CHLSN: variants seen among roughly 807,000 people sequenced by gnomAD.
CHLSN encodes cholesin.
the CHLSN span, among the ~76,000 whole-genome samples, chr7:1,083,238 C>G: frequency 6.6e-6 from 1 of 152,262 alleles, no homozygotes; most frequent in African/African-American, 2.4e-5. Flanking sequence ...AGCAGCCGCA[C>G]GCGCCTTCAG....
the CHLSN span, among the ~76,000 whole-genome samples, chr7:1,125,989 A>C: frequency 1.3e-5 from 2 of 152,224 alleles, no homozygotes; most frequent in Non-Finnish European, 2.9e-5. Flanking sequence ...AAAATTTTTT[A>C]TATTTTCAAA....
the CHLSN span, among the ~76,000 whole-genome samples, chr7:1,064,991 C>T: frequency 6.6e-6 from 1 of 152,250 alleles, no homozygotes; most frequent in Non-Finnish European, 1.5e-5. Flanking sequence ...CAGCGTTCCC[C>T]GCTGTCCAAC....
At chr7:1,008,741 T>C in the CHLSN span, among the ~76,000 whole-genome samples, 1 of 151,868 alleles carries the variant, frequency 6.6e-6, no homozygotes, top group Admixed American at 6.6e-5. Flanking sequence ...AACACACATG[T>C]CCACACATAA....
At chr7:1,064,812 G>T in the CHLSN span, among the ~76,000 whole-genome samples, 2 of 152,164 alleles carry the variant, frequency 1.3e-5, no homozygotes, top group African/African-American at 4.8e-5. Flanking sequence ...AGCAGCCCCT[G>T]CTGCCAGGCT....
chr7:1,062,068 C>T, the CHLSN span, among the ~76,000 whole-genome samples: 2 of 152,224 alleles, frequency 1.3e-5, no homozygotes, highest in African/African-American at 2.4e-5. Flanking sequence ...CGCGTGACGT[C>T]CCAGGGTCAA....
At chr7:980,541 A>T in the CHLSN span, among the ~76,000 whole-genome samples, 2 of 133,598 alleles carry the variant, frequency 1.5e-5, no homozygotes, top group South Asian at 5.3e-4. Flanking sequence ...GCACACAGAT[A>T]TTTTTATCAG....
At chr7:1,097,288 CAAG>C in the CHLSN span, among the ~76,000 whole-genome samples, 2 of 152,126 alleles carry the variant, frequency 1.3e-5, no homozygotes, top group Non-Finnish European at 2.9e-5. This position sits in a 1 kb window ranked among gnomAD's most constrained non-coding sequence, Gnocchi z 4.3. Context: ...CAGGGAGAGA[CAAG>C]ATGAGCCTGG....
chr7:1,031,837 G>C, the CHLSN span, among the ~76,000 whole-genome samples: 1 of 147,016 alleles, frequency 6.8e-6, no homozygotes, highest in Admixed American at 6.7e-5. Flanking sequence ...GAGTGGTCCG[G>C]GGCGGCAGAG....
At chr7:1,017,210 C>G in the CHLSN span, among the ~76,000 whole-genome samples, 2 of 151,612 alleles carry the variant, frequency 1.3e-5, no homozygotes, top group Non-Finnish European at 3.0e-5. Flanking sequence ...GGCCGTGCTG[C>G]ATCAAAGAAT....
the CHLSN span, among the ~76,000 whole-genome samples, chr7:982,988 C>T: frequency 4.6e-5 from 7 of 152,250 alleles, no homozygotes; most frequent in South Asian, 2.1e-4. Flanking sequence ...AGAGGGCCCC[C>T]GTCCTGCCCT....
the CHLSN span, chr7:987,625 G>A: frequency 1.3e-5 from 16 of 1,235,488 alleles, no homozygotes; most frequent in Middle Eastern, 2.8e-4. Context: ...TCTGGTGGGT[G>A]CCTGATGGCC....
At chr7:1,084,360 C>T in the CHLSN span, among the ~76,000 whole-genome samples, 4 of 152,224 alleles carry the variant, frequency 2.6e-5, no homozygotes, top group African/African-American at 4.8e-5. Context: ...AGAATGTGTC[C>T]GCCTGGCATG....
the CHLSN span, among the ~76,000 whole-genome samples, chr7:1,117,930 C>T: frequency 5.2e-4 from 79 of 152,286 alleles, no homozygotes; most frequent in African/African-American, 1.9e-3. Flanking sequence ...CACCTCGGCC[C>T]CCCTAGAAGC....
chr7:1,108,363 C>T, the CHLSN span, among the ~76,000 whole-genome samples: 13 of 87,100 alleles, frequency 1.5e-4, 1 homozygote, highest in South Asian at 1.6e-3. Context: ...TCCCGCACCC[C>T]GGGGGGAAGC....
At chr7:1,088,686 C>T in the CHLSN span, among the ~76,000 whole-genome samples, 825 of 152,350 alleles carry the variant, frequency 5.4e-3, 8 homozygotes, top group African/African-American at 0.019. The surrounding 1 kb of genome is among the most constrained non-coding windows in gnomAD (Gnocchi z 4.5). Context: ...AACCCTGAAG[C>T]CCTGGGAGGG....
chr7:1,129,118 T>G, the CHLSN span, among the ~76,000 whole-genome samples: 9 of 8,618 alleles, frequency 1.0e-3, no homozygotes, highest in Non-Finnish European at 1.3e-3. Flanking sequence ...CACCGTCACC[T>G]GGGCTGGAGT....
chr7:1,109,210 G>A, the CHLSN span: 1 of 152,176 alleles, frequency 6.6e-6, no homozygotes, highest in Non-Finnish European at 1.5e-5. Flanking sequence ...ATGTGTGTGA[G>A]GCAGAAGGGA....
chr7:1,000,531 T>A, the CHLSN span: 27 of 1,608,056 alleles, frequency 1.7e-5, no homozygotes, highest in Non-Finnish European at 2.2e-5. Flanking sequence ...AAACCTCCAG[T>A]TCTTGTGCTT....
At chr7:1,067,266 G>A in the CHLSN span, among the ~76,000 whole-genome samples, 9 of 126,226 alleles carry the variant, frequency 7.1e-5, no homozygotes, top group African/African-American at 9.1e-5. Flanking sequence ...GGAGGCTGGA[G>A]TACACCCAGA....
Sources: allele counts gnomAD v4.1 joint callset (sites outside exome capture counted in the v4.1 genomes callset), GRCh38; gene constraint gnomAD v4.1.1; non-coding constraint Gnocchi (gnomAD v3.1); transcripts MANE v1.5; gene names NCBI Gene and HGNC (gene_info 2026-07-23, HGNC 2026-07-21).